KIF18A: variants seen among roughly 807,000 people sequenced by gnomAD.
KIF18A encodes kinesin family member 18A, also known as kinesin-like protein KIF18A.
A neutral mutation model predicts 103.3 loss-of-function variants in KIF18A; 67 were observed. The observed-to-expected ratio is 0.65, with a 90% CI of 0.53 to 0.79. KIF18A has a LOEUF of 0.79. Among genes scored for constraint, KIF18A ranks in the 30% least tolerant of loss-of-function variants. The pLI is 0.00. For synonymous variants in KIF18A, 367 were observed against 355.5 expected, an observed-to-expected ratio of 1.03 and a Z score of -0.36; for missense variants, 1,032 against 1,062.5, an observed-to-expected ratio of 0.97 and a Z score of 0.40.
intron 15 of KIF18A, among the ~76,000 whole-genome samples, chr11:28,034,560 T>G (rs1268435117): frequency 6.6e-6 from 1 of 151,708 alleles, no homozygotes; most frequent in African/African-American, 2.4e-5. Context: ...AAACTCTGCT[T>G]AATACTTTAG....
rs1272900650 is a variant in KIF18A at position 28,094,748 on chromosome 11, T to C, written c.378A>G (p.Ser126=). ...GAGKTHTMLG[S]ADEPGVMYLT... is the part of the protein sequence containing the mutation. Reference sequence around the variant, plus strand: ...GATACATCACTCCAGGTTCATCAGCTGATCCTAGCATAGTGTGGGTCTTCC... The same window carrying C: ...GATACATCACTCCAGGTTCATCAGCCGATCCTAGCATAGTGTGGGTCTTCC... Residue 126 remains serine, a synonymous_variant, in exon 3 of 17, where the codon TCA becomes TCG. Coordinates refer to ENST00000263181, the MANE Select transcript of KIF18A (RefSeq NM_031217.4). 1.2e-6 allele frequency: 2 copies of C among 1,613,936 alleles called. No individual in the cohort carries two copies. Among genetic ancestry groups the C allele is most frequent in the African/African-American group, 1.3e-5 (1 of 74,932 alleles).
chr11:28,053,844 T>C (rs1850743315), intron 13 of KIF18A, among the ~76,000 whole-genome samples: 1 of 152,076 alleles, frequency 6.6e-6, no homozygotes, highest in Non-Finnish European at 1.5e-5. Flanking sequence ...CATAGTATTC[T>C]TTGTGCTTAT....
chr11:28,083,912 TCA>T (rs1851196301), intron 7 of KIF18A, among the ~76,000 whole-genome samples: 1 of 152,074 alleles, frequency 6.6e-6, no homozygotes, highest in African/African-American at 2.4e-5. Flanking sequence ...ATGCTCATCT[TCA>T]GACACTTAAG....
chr11:28,094,549 T>C, intron 3 of KIF18A, 94 bp downstream of exon 3: 1 of 834,810 alleles, frequency 1.2e-6, no homozygotes, highest in Non-Finnish European at 1.9e-6. Flanking sequence ...TGATTTTATA[T>C]ATTCACCGGA....
chr11:28,048,118 A>C (rs758870559), intron 13 of KIF18A, among the ~76,000 whole-genome samples: 14 of 152,162 alleles, frequency 9.2e-5, no homozygotes, highest in Non-Finnish European at 1.9e-4. Flanking sequence ...GACAAAAAGC[A>C]CATGAAAAAA....
chr11:28,051,707 A>G (rs1850714777), intron 13 of KIF18A, among the ~76,000 whole-genome samples: 1 of 152,050 alleles, frequency 6.6e-6, no homozygotes. Context: ...TACTATGTAT[A>G]TTACAGGAAA....
chr11:28,056,960 T>A, intron 13 of KIF18A: 1 of 376,588 alleles, frequency 2.7e-6, no homozygotes. Context: ...TTCCCCATAA[T>A]GGAAAATATA....
chr11:28,040,606 G>A (rs1590669458), intron 13 of KIF18A, among the ~76,000 whole-genome samples: 1 of 151,832 alleles, frequency 6.6e-6, no homozygotes, highest in South Asian at 2.1e-4. Flanking sequence ...CAACGTGGGT[G>A]CTACACAGAA....
intron 10 of KIF18A, among the ~76,000 whole-genome samples, chr11:28,069,859 G>C (rs1850989213): frequency 6.6e-6 from 1 of 152,004 alleles, no homozygotes; most frequent in Admixed American, 6.6e-5. Flanking sequence ...TTCTGTGTTT[G>C]CCTATAAGGC....
intron 1 of KIF18A, among the ~76,000 whole-genome samples, chr11:28,102,924 T>A (rs571390035): frequency 7.9e-5 from 12 of 152,134 alleles, no homozygotes; most frequent in African/African-American, 2.6e-4. Context: ...ACAGAGAGAG[T>A]AAATTCTTCA....
rs144753657 is a variant in KIF18A at position 28,036,537 on chromosome 11, G to A, written c.2076C>T (p.Leu692=). 4.0e-4 allele frequency: 652 copies of A among 1,611,164 alleles called. 1 individual carries two copies. The African/African-American group carries it at 6.8e-3, about 17-fold the overall frequency. The change falls in exon 14 of 17, where the codon CTC becomes CTT. Residue 692 remains leucine (L), a synonymous_variant. Coordinates refer to ENST00000263181, the MANE Select transcript of KIF18A (RefSeq NM_031217.4). ...LKSPPSQSVQ[L]NDSLSKELQP... ...GAAGTTCTTTGCTAAGAGAATCATT[G>A]AGCTGCACACTTTGAGATGGTGGAG...
chr11:28,031,507 A>C (rs893143486), intron 15 of KIF18A, among the ~76,000 whole-genome samples: 1 of 152,062 alleles, frequency 6.6e-6, no homozygotes, highest in Non-Finnish European at 1.5e-5. Flanking sequence ...CAGGAAGGTG[A>C]ACATCACACA....
intron 13 of KIF18A, among the ~76,000 whole-genome samples, chr11:28,056,322 C>A (rs761876048): frequency 6.6e-6 from 1 of 150,810 alleles, no homozygotes; most frequent in Admixed American, 6.6e-5. Flanking sequence ...GGAAATATAG[C>A]GACTGAAATT....
chr11:28,069,499 T>G, intron 10 of KIF18A, 76 bp from the exon 11 acceptor site: 2 of 1,325,558 alleles, frequency 1.5e-6, no homozygotes, highest in South Asian at 2.7e-5. Context: ...AACTAGTATA[T>G]TTTCTTATGT....
chr11:28,064,791 C>T (rs1022473939), intron 11 of KIF18A, among the ~76,000 whole-genome samples: 2 of 152,018 alleles, frequency 1.3e-5, no homozygotes, highest in African/African-American at 4.8e-5. Context: ...ATGACTAAAT[C>T]TGATTGGAAG....
At chr11:28,033,359 T>C (rs77454576) in intron 15 of KIF18A, among the ~76,000 whole-genome samples, 3,817 of 151,526 alleles carry the variant, frequency 0.025, 167 homozygotes, top group African/African-American at 0.087. Context: ...CCCTACTAGA[T>C]ACATGCCAAA....
At position 28,030,624 on chromosome 11, in the gene KIF18A, A is replaced by T. The variant is rs573964429; in HGVS notation, c.2504+4763T>A. Among the ~76,000 whole-genome samples the T allele has an allele frequency of 6.5e-4, 99 of 152,304 alleles. 1 individual carries two copies. Among genetic ancestry groups the T allele is most frequent in the African/African-American group, 2.3e-3 (95 of 41,560 alleles). On this transcript the variant is annotated intron_variant, in intron 15 of 16. Transcript: ENST00000263181. Reference sequence around the variant, plus strand: ...ACCATTCAGGACATAGGCATGGGTAAGGACTTCATGTCTAAAACACCAAAA... The same window carrying T: ...ACCATTCAGGACATAGGCATGGGTATGGACTTCATGTCTAAAACACCAAAA...
chr11:28,041,917 C>A (rs960278233), intron 13 of KIF18A, among the ~76,000 whole-genome samples: 3 of 151,772 alleles, frequency 2.0e-5, no homozygotes, highest in African/African-American at 7.3e-5. Context: ...TTATGCATGT[C>A]ATTCCCTCAA....
chr11:28,068,313 T>G (rs1020624603), intron 11 of KIF18A, among the ~76,000 whole-genome samples: 3 of 151,756 alleles, frequency 2.0e-5, no homozygotes, highest in African/African-American at 7.3e-5. Flanking sequence ...GACAAATACC[T>G]AATGCATGCC....
Sources: allele counts gnomAD v4.1 joint callset (sites outside exome capture counted in the v4.1 genomes callset), GRCh38; gene constraint gnomAD v4.1.1; transcripts MANE v1.5; gene names NCBI Gene and HGNC (gene_info 2026-07-23, HGNC 2026-07-21).